The following EFHD1 variants were observed in gnomAD, a reference collection of about 807,000 sequenced individuals.
The protein encoded by EFHD1 is EF-hand domain-containing protein D1.
EFHD1 carries 10 observed loss-of-function variants against 17.2 expected under a neutral mutation model. The ratio of observed to expected loss-of-function variants is 0.58; its 90% CI spans 0.36 to 0.99. The LOEUF (loss-of-function observed/expected upper bound fraction) is 0.99, where lower values mean the gene tolerates loss of function less well. Among genes scored for constraint, EFHD1 ranks in the 50% least tolerant of loss-of-function variants. The pLI is 0.01. For synonymous variants in EFHD1, 153 were observed against 142.0 expected (o/e 1.08, Z -0.55); for missense variants, 310 against 327.5 (o/e 0.95, Z 0.41).
intron 1 of EFHD1, among the ~76,000 whole-genome samples, chr2:232,621,436 G>C (rs1410006264): frequency 7.8e-6 from 1 of 128,630 alleles, no homozygotes; most frequent in Non-Finnish European, 1.7e-5. Context: ...CTTGTGATTG[G>C]TATTCTTTCG....
chr2:232,668,260 G>A, intron 2 of EFHD1, among the ~76,000 whole-genome samples: 1 of 152,252 alleles, frequency 6.6e-6, no homozygotes, highest in Non-Finnish European at 1.5e-5. Flanking sequence ...TGTCTGGCAT[G>A]CTTCATGGAA....
intron 3 of EFHD1, among the ~76,000 whole-genome samples, chr2:232,675,400 T>C (rs1180142610): frequency 6.6e-6 from 1 of 152,162 alleles, no homozygotes; most frequent in Non-Finnish European, 1.5e-5. Flanking sequence ...GACAGAGAGC[T>C]CCAGCCTCCC....
chr2:232,652,864 A>G (rs973475730), intron 1 of EFHD1, among the ~76,000 whole-genome samples: 1 of 152,198 alleles, frequency 6.6e-6, no homozygotes, highest in African/African-American at 2.4e-5. Context: ...AAACCCTCCA[A>G]GGGTCACTTT....
At chr2:232,634,468 G>A (rs1233411646) in intron 1 of EFHD1, among the ~76,000 whole-genome samples, 1 of 152,262 alleles carries the variant, frequency 6.6e-6, no homozygotes, top group Non-Finnish European at 1.5e-5. Context: ...CTGCAGCGCG[G>A]GGTCTGATGA....
chr2:232,641,360 G>A (rs1278985205), intron 1 of EFHD1, among the ~76,000 whole-genome samples: 1 of 152,130 alleles, frequency 6.6e-6, no homozygotes, highest in East Asian at 1.9e-4. Context: ...GAAATGGAAC[G>A]AAAGGTCTTG....
upstream of EFHD1, among the ~76,000 whole-genome samples, chr2:232,632,705 A>C (rs1439659188): frequency 6.6e-6 from 1 of 151,998 alleles, no homozygotes; most frequent in Non-Finnish European, 1.5e-5. Context: ...GGCTCGTTGC[A>C]GCCTCGACCT....
Position 232,633,994 on chromosome 2 carries a change from G to A in EFHD1, c.290G>A (p.Ser97Asn). 1 of 1,597,228 alleles carries A rather than the reference G, an allele frequency of 6.3e-7. No individual in the cohort carries two copies. The highest frequency in any genetic ancestry group is 8.5e-7 in the Non-Finnish European group (1 of 1,179,088). ...CGCCGCCTCATCAAGGACCTGGAGA[G>A]CATGTTCAAACTGTGAGCTCCCGCT... ...FSRRLIKDLE[S>N]MFKLYDAGRD... The change falls in exon 1 of 4, where the codon AGC (serine) becomes AAC (asparagine). Residue 97 changes from serine (S) to asparagine (N), a missense_variant. By Grantham distance (46) the Ser-to-Asn change is conservative. Coordinates refer to ENST00000264059, the MANE Select transcript of EFHD1 (RefSeq NM_025202.4).
chr2:232,625,637 A>C (rs775587391), intron 1 of EFHD1, among the ~76,000 whole-genome samples: 27 of 152,218 alleles, frequency 1.8e-4, no homozygotes, highest in Non-Finnish European at 3.1e-4. Flanking sequence ...CAGAATACTC[A>C]GCTGCCAGTA....
chr2:232,675,691 C>T (rs1695160099), intron 3 of EFHD1, among the ~76,000 whole-genome samples: 1 of 152,100 alleles, frequency 6.6e-6, no homozygotes, highest in South Asian at 2.1e-4. Flanking sequence ...ACAGTTTAGA[C>T]TCAGGGAAGT....
intron 3 of EFHD1, 39 bp downstream of exon 3, chr2:232,672,482 C>CA (rs1304182812): frequency 1.9e-6 from 3 of 1,549,618 alleles, no homozygotes; most frequent in Admixed American, 4.0e-5. Flanking sequence ...CAACCACTCC[C>CA]AGCCTTCACG....
At position 232,672,404 on chromosome 2, in the gene EFHD1, G is replaced by A. The variant is rs1246211922; in HGVS notation, c.546G>A (p.Leu182=). 8.1e-6 allele frequency: 13 copies of A among 1,612,266 alleles called. No individual in the cohort carries two copies. The highest frequency in any genetic ancestry group is 1.7e-5 in the Admixed American group (1 of 59,520). ...AGCTTTCTGAGATCGATGTGGCCCTGGAGGGTGTCAAAGGTGCCAAGAACT... is the reference window on the plus strand; with the variant it reads ...AGCTTTCTGAGATCGATGTGGCCCTAGAGGGTGTCAAAGGTGCCAAGAACT... ...LAKLSEIDVA[L]EGVKGAKNFF... is the part of the protein sequence containing the mutation. Residue 182 remains leucine (L), a synonymous_variant, in exon 3 of 4, where the codon CTG becomes CTA. Transcript: ENST00000264059.
chr2:232,660,349 C>T (rs1446575119), intron 1 of EFHD1, among the ~76,000 whole-genome samples: 1 of 151,768 alleles, frequency 6.6e-6, no homozygotes, highest in African/African-American at 2.4e-5. Flanking sequence ...TGCCTGCCAC[C>T]ACGCCCGGCT....
exon 1 of EFHD1, chr2:232,606,154 C>T (rs1559332985): frequency 1.3e-6 from 2 of 1,550,172 alleles, no homozygotes; most frequent in African/African-American, 1.4e-5. Flanking sequence ...AGTCCCCAGA[C>T]ATACGATGGG....
chr2:232,659,898 C>A (rs934407701), intron 1 of EFHD1, among the ~76,000 whole-genome samples: 1 of 152,150 alleles, frequency 6.6e-6, no homozygotes, highest in Non-Finnish European at 1.5e-5. Flanking sequence ...ATGGCCGGAA[C>A]AGGAGCAAGA....
chr2:232,633,972 C>T lies in EFHD1; in HGVS notation c.268C>T (p.Arg90Cys). Residue 90 changes from arginine to cysteine, a missense_variant, in exon 1 of 4, where the codon CGC becomes TGC. By Grantham distance (180) the Arg-to-Cys change is radical. Transcript: ENST00000264059. ...PYTEFPEFSR[R>C]LIKDLESMFK... ...CACGGAGTTCCCGGAGTTCAGCCGC[C>T]GCCTCATCAAGGACCTGGAGAGCAT... 2 of 1,597,516 alleles carry T rather than the reference C, an allele frequency of 1.3e-6. No homozygotes were observed. The highest frequency in any genetic ancestry group is 1.3e-5 in the African/African-American group (1 of 74,980).
At chr2:232,611,817 C>A (rs866219761) in intron 1 of EFHD1, 1 of 152,304 alleles carries the variant, frequency 6.6e-6, no homozygotes, top group Non-Finnish European at 1.5e-5. Context: ...CAGCAGGGGG[C>A]AGCCTGTCAA....
intron 1 of EFHD1, among the ~76,000 whole-genome samples, chr2:232,643,664 T>G (rs936074645): frequency 4.6e-5 from 7 of 151,654 alleles, no homozygotes; most frequent in Admixed American, 3.9e-4. Context: ...TCTGTGTTTT[T>G]TTGTTGTTGT....
intron 1 of EFHD1, among the ~76,000 whole-genome samples, chr2:232,609,403 CAT>C (rs1408312233): frequency 1.3e-5 from 2 of 152,126 alleles, no homozygotes; most frequent in Admixed American, 6.5e-5. Context: ...TGTTTGCAAA[CAT>C]AGTCTGATCA....
chr2:232,629,545 T>C (rs1376113672), upstream of EFHD1, among the ~76,000 whole-genome samples: 1 of 152,160 alleles, frequency 6.6e-6, no homozygotes, highest in Non-Finnish European at 1.5e-5. Context: ...CTTGGCTCAC[T>C]GCAACCTCCG....
Sources: gnomAD v4.1 joint callset for allele counts (sites outside exome capture counted in the v4.1 genomes callset) on GRCh38, gnomAD v4.1.1 for gene constraint, MANE v1.5 for transcripts, NCBI Gene and HGNC (gene_info 2026-07-23, HGNC 2026-07-21) for gene names.